The following HPSE2 variants were observed in gnomAD, a reference collection of about 807,000 sequenced individuals.
HPSE2 encodes heparanase 2 (inactive), also known as inactive heparanase-2.
A neutral mutation model predicts 60.5 loss-of-function variants in HPSE2; 38 were observed. That is an observed-to-expected ratio of 0.63 (90% CI 0.48 to 0.82). HPSE2 has a LOEUF of 0.82. Among genes scored for constraint, HPSE2 ranks in the 40% least tolerant of loss-of-function variants. The pLI, the probability that HPSE2 is intolerant of heterozygous loss-of-function variation, is 0.00. For missense variants in HPSE2, 713 were observed against 740.4 expected, an observed-to-expected ratio of 0.96 and a Z score of 0.43; for synonymous variants, 295 against 293.2, an observed-to-expected ratio of 1.01 and a Z score of -0.06.
the HPSE2 span, among the ~76,000 whole-genome samples, chr10:99,294,381 CATATATAATATATAATATATAA>C: frequency 5.6e-5 from 8 of 143,910 alleles, no homozygotes; most frequent in Non-Finnish European, 1.1e-4. Flanking sequence ...ATAATACATA[CATATATAATATATAATATATAA>C]ATATATAATA....
chr10:99,106,032 G>C (rs1220278795), intron 3 of HPSE2, among the ~76,000 whole-genome samples: 1 of 151,918 alleles, frequency 6.6e-6, no homozygotes, highest in Non-Finnish European at 1.5e-5. Context: ...TTTTGATATT[G>C]AGTAGTAAAA....
the HPSE2 span, among the ~76,000 whole-genome samples, chr10:99,286,794 C>T: frequency 6.6e-6 from 1 of 152,028 alleles, no homozygotes; most frequent in Non-Finnish European, 1.5e-5. Context: ...TGATACCAAC[C>T]AGTATTCCTT....
At chr10:98,727,670 C>T (rs1290007077) in intron 4 of HPSE2, among the ~76,000 whole-genome samples, 2 of 132,866 alleles carry the variant, frequency 1.5e-5, no homozygotes. Context: ...AAACAAAAAA[C>T]AACAACAACA....
chr10:98,829,349 G>A (rs1037692095), intron 3 of HPSE2, among the ~76,000 whole-genome samples: 5 of 151,992 alleles, frequency 3.3e-5, no homozygotes, highest in African/African-American at 1.2e-4. Context: ...CCAATATAGC[G>A]AAACCCCTTC....
chr10:98,994,178 A>T (rs1275064392), intron 3 of HPSE2, among the ~76,000 whole-genome samples: 1 of 152,208 alleles, frequency 6.6e-6, no homozygotes, highest in East Asian at 1.9e-4. Flanking sequence ...AACTCTGGAA[A>T]TGATACCAGC....
At chr10:98,756,149 C>T (rs1949873368) in intron 3 of HPSE2, among the ~76,000 whole-genome samples, 1 of 152,074 alleles carries the variant, frequency 6.6e-6, no homozygotes, top group South Asian at 2.1e-4. Context: ...ATACAACATA[C>T]TAGAATCTCG....
chr10:98,882,778 G>A (rs1953060192), intron 3 of HPSE2, among the ~76,000 whole-genome samples: 1 of 151,544 alleles, frequency 6.6e-6, no homozygotes, highest in Non-Finnish European at 1.5e-5. Flanking sequence ...TCAGAACAAT[G>A]ACTGTCTAAT....
Position 99,030,820 on chromosome 10 carries a change from G to A in HPSE2, c.610+113418C>T, listed in dbSNP as rs374845938. Among the ~76,000 whole-genome samples the A allele has an allele frequency of 1.9e-4, 29 of 152,300 alleles. No homozygotes were observed. The East Asian group carries it at 4.2e-3, about 22-fold the overall frequency. ...TCAGCTATAAAAAGACTGAGATCTA[G>A]TCATCTGCAATAACACGGATGAAAT... On this transcript the variant is annotated intron_variant, in intron 3 of 11. Transcript: ENST00000370552.
intron 9 of HPSE2, among the ~76,000 whole-genome samples, chr10:98,595,395 C>G (rs1474120408): frequency 5.9e-5 from 9 of 152,048 alleles, no homozygotes; most frequent in African/African-American, 2.2e-4. Context: ...TGGTCTCGCT[C>G]TCCTGACCTC....
intron 3 of HPSE2, among the ~76,000 whole-genome samples, chr10:98,977,131 C>T (rs529208085): frequency 1.9e-4 from 29 of 152,302 alleles, no homozygotes; most frequent in Middle Eastern, 3.4e-3. Context: ...TTTTATATCA[C>T]CATGTTTGTG....
At chr10:99,033,323 C>T (rs1487309267) in intron 3 of HPSE2, among the ~76,000 whole-genome samples, 1 of 151,790 alleles carries the variant, frequency 6.6e-6, no homozygotes, top group Admixed American at 6.6e-5. Context: ...TAAAAGAAGG[C>T]AAAATATGAT....
chr10:98,913,595 A>ACAC (rs1954039396), intron 3 of HPSE2, among the ~76,000 whole-genome samples: 1 of 152,176 alleles, frequency 6.6e-6, no homozygotes, highest in African/African-American at 2.4e-5. Flanking sequence ...AGCCCAGATA[A>ACAC]CACCACTCAA....
chr10:99,259,819 A>T, the HPSE2 span, among the ~76,000 whole-genome samples: 1 of 152,182 alleles, frequency 6.6e-6, no homozygotes, highest in Non-Finnish European at 1.5e-5. Flanking sequence ...GTCAGATCAG[A>T]GGTGGCATTA....
chr10:98,827,017 GGT>G (rs1240069008), intron 3 of HPSE2, among the ~76,000 whole-genome samples: 2 of 151,978 alleles, frequency 1.3e-5, no homozygotes, highest in African/African-American at 4.8e-5. Flanking sequence ...TGGGTGTCGT[GGT>G]ATATGCCTGT....
At chr10:99,021,134 T>A (rs7068516) in intron 3 of HPSE2, among the ~76,000 whole-genome samples, 116,225 of 152,104 alleles carry the variant, frequency 0.76, 44,791 homozygotes, top group East Asian at 0.86. Context: ...GAGAGAAGCA[T>A]GCTGTCTTTA....
At chr10:98,942,794 C>T (rs370201280) in intron 3 of HPSE2, among the ~76,000 whole-genome samples, 33 of 151,892 alleles carry the variant, frequency 2.2e-4, no homozygotes, top group Middle Eastern at 3.4e-3. Flanking sequence ...ATGTTTATTG[C>T]GGCACTATTC....
At chr10:98,581,922 A>T (rs1364544780) in intron 9 of HPSE2, among the ~76,000 whole-genome samples, 1 of 152,172 alleles carries the variant, frequency 6.6e-6, no homozygotes, top group East Asian at 1.9e-4. Context: ...CTCTAGATGA[A>T]AGTCAATTCC....
At chr10:98,565,141 A>G (rs1386924282) in intron 9 of HPSE2, among the ~76,000 whole-genome samples, 1 of 131,980 alleles carries the variant, frequency 7.6e-6, no homozygotes, top group Non-Finnish European at 1.6e-5. Context: ...CCAAGCAGAC[A>G]GACAAAACTT....
At chr10:98,534,807 T>G (rs1239614079) in intron 9 of HPSE2, among the ~76,000 whole-genome samples, 1 of 152,252 alleles carries the variant, frequency 6.6e-6, no homozygotes, top group Non-Finnish European at 1.5e-5. Context: ...AAGAATGTGC[T>G]ATAAACTTGG....
Sources: allele counts gnomAD v4.1 joint callset (sites outside exome capture counted in the v4.1 genomes callset), GRCh38; gene constraint gnomAD v4.1.1; transcripts MANE v1.5; gene names NCBI Gene and HGNC (gene_info 2026-07-23, HGNC 2026-07-21).